VWA5B1: variants seen among roughly 807,000 people sequenced by gnomAD.
VWA5B1 encodes the protein von Willebrand factor A domain-containing protein 5B1.
In VWA5B1, 115 loss-of-function variants were observed where a neutral mutation model predicts 118.2. That is an observed-to-expected ratio of 0.97 (90% CI 0.84 to 1.14). The LOEUF is 1.14. Among genes scored for constraint, VWA5B1 ranks in the 50% most tolerant of loss-of-function variants. The probability of loss-of-function intolerance (pLI) is 0.00; values close to 1 mark genes in which losing one functional copy is unlikely to be tolerated. For synonymous variants in VWA5B1, 682 were observed against 658.4 expected (o/e 1.04, Z -0.55); for missense variants, 1,596 against 1,603.8 (o/e 1.00, Z 0.08).
intron 1 of VWA5B1, among the ~76,000 whole-genome samples, chr1:20,291,846 G>A (rs1364154858): frequency 6.6e-6 from 1 of 152,202 alleles, no homozygotes; most frequent in Admixed American, 6.5e-5. Flanking sequence ...AGCGGGTGCA[G>A]TGTGGCGCCT....
intron 9 of VWA5B1, 87 bp downstream of exon 9, chr1:20,328,087 C>A: frequency 7.6e-7 from 1 of 1,308,744 alleles, no homozygotes; most frequent in Non-Finnish European, 1.1e-6. Context: ...ATAGTTAAAA[C>A]CCTAGTGCTG....
intron 17 of VWA5B1, among the ~76,000 whole-genome samples, chr1:20,347,586 C>T (rs528361086): frequency 2.6e-5 from 4 of 152,026 alleles, no homozygotes; most frequent in East Asian, 1.9e-4. Context: ...ACTACAGGCA[C>T]GCACTACCAC....
chr1:20,314,569 C>A lies in VWA5B1; in HGVS notation c.540C>A (p.Gly180=), dbSNP rs934125274. ...CCCAGTTCTGCACCAAGAGCACTGG[C>A]ACCTCCAACCAACAGGCCCAGGGGT... is the stretch of plus-strand genomic sequence containing the variant. ...TVPQFCTKST[G]TSNQQAQGKD... Residue 180 remains glycine (G), a synonymous_variant, in exon 4 of 22, where the codon GGC becomes GGA. Coordinates refer to ENST00000289815, the MANE Select transcript of VWA5B1 (RefSeq NM_001039500.3). 3.2e-6 allele frequency: 5 copies of A among 1,551,422 alleles called. No individual in the cohort carries two copies. The Admixed American group carries it at 9.8e-5, about 30-fold the overall frequency.
At position 20,354,263 on chromosome 1, in the gene VWA5B1, G is replaced by A; in HGVS notation, c.3648G>A (p.Ter1216=). Residue 1216 remains the stop codon, a stop_retained_variant, in exon 22 of 22, where the codon TAG becomes TAA. Coordinates refer to ENST00000289815, the MANE Select transcript of VWA5B1 (RefSeq NM_001039500.3). ...TCTGCTATAACCCGAATTATGTGTA[G>A]TTGAGTGACGGGGAGGCTGGGTGGA... ...NMLCYNPNYV[*] 1.3e-6 allele frequency: 2 copies of A among 1,522,258 alleles called. No individual in the cohort carries two copies. Among genetic ancestry groups the A allele is most frequent in the East Asian group, 5.0e-5 (2 of 40,156 alleles). The allele number at this position is 1,522,258 out of a possible 1,614,324, so 94.3% of individuals were successfully genotyped here.
chr1:20,327,170 G>A (rs184680170), intron 8 of VWA5B1, among the ~76,000 whole-genome samples: 32 of 152,168 alleles, frequency 2.1e-4, no homozygotes, highest in Admixed American at 1.2e-3. Flanking sequence ...TGGAGGCAAA[G>A]TGACATGGCT....
rs921308378 is a variant in VWA5B1 at position 20,303,538 on chromosome 1, C to A, written c.-26-7038C>A. Among the ~76,000 whole-genome samples, 9 of 152,278 alleles carry A rather than the reference C, an allele frequency of 5.9e-5. No homozygotes were observed. In the East Asian group the frequency reaches 1.5e-3, roughly 26 times the overall value. On this transcript the variant is annotated intron_variant, in intron 1 of 21. Transcript: ENST00000289815. ...CTCAGACCTGGAGGAAGCTAAGGCACAAGGAGGTTAAGTAACTTGCTCAAG... is the reference window on the plus strand; with the variant it reads ...CTCAGACCTGGAGGAAGCTAAGGCAAAAGGAGGTTAAGTAACTTGCTCAAG...
rs1364227228 is a variant in VWA5B1 at position 20,357,975 on chromosome 1, A to G, written c.*3712A>G. Among the ~76,000 whole-genome samples, 1 of 152,082 alleles carries G rather than the reference A, an allele frequency of 6.6e-6. No individual in the cohort carries two copies. The highest frequency in any genetic ancestry group is 1.5e-5 in the Non-Finnish European group (1 of 68,030). ...CCCCGAGGGCCCAACCTCCCACCAC[A>G]TGCAGATGCAGAACCCTGTCTCAGG... On this transcript the variant is annotated 3_prime_UTR_variant, in exon 22 of 22. Coordinates refer to ENST00000289815, the MANE Select transcript of VWA5B1 (RefSeq NM_001039500.3).
At position 20,356,980 on chromosome 1, in the gene VWA5B1, A is replaced by G. The variant is rs1198680287; in HGVS notation, c.*2717A>G. Among the ~76,000 whole-genome samples, 1 of 152,236 alleles carries G rather than the reference A, an allele frequency of 6.6e-6. No individual in the cohort carries two copies. The highest frequency in any genetic ancestry group is 2.4e-5 in the African/African-American group (1 of 41,458). ...TACATTGAAGCTAACAGAGTTCTAAAGTTTCTCAAGCAGGGAACACATTGC... is the reference window on the plus strand; with the variant it reads ...TACATTGAAGCTAACAGAGTTCTAAGGTTTCTCAAGCAGGGAACACATTGC... On this transcript the variant is annotated 3_prime_UTR_variant, in exon 22 of 22. Coordinates refer to ENST00000289815, the MANE Select transcript of VWA5B1 (RefSeq NM_001039500.3).
chr1:20,297,542 G>T (rs1357584786), intron 1 of VWA5B1, among the ~76,000 whole-genome samples: 3 of 152,264 alleles, frequency 2.0e-5, no homozygotes, highest in African/African-American at 7.2e-5. Context: ...ACAATGGCAT[G>T]AAGATCACAT....
intron 7 of VWA5B1, among the ~76,000 whole-genome samples, chr1:20,321,882 G>C (rs1009408254): frequency 1.3e-5 from 2 of 152,188 alleles, no homozygotes; most frequent in African/African-American, 4.8e-5. Flanking sequence ...GCAGGCAGGG[G>C]TCAAGCCACA....
In VWA5B1 at chr1:20,312,827, C is replaced by T. The variant is rs2100844672; in HGVS notation, c.140-9C>T. ...GGGCACCCCGTGATGCTGGGCCCTGCTCCGACAGGCCTCTTCGTGTACCCC... is the reference window on the plus strand; with the variant it reads ...GGGCACCCCGTGATGCTGGGCCCTGTTCCGACAGGCCTCTTCGTGTACCCC... On this transcript the variant is annotated splice_polypyrimidine_tract_variant and intron_variant, in intron 2 of 21. Transcript: ENST00000289815. 6.5e-7 allele frequency: 1 copy of T among 1,546,348 alleles called. No homozygotes were observed. Among genetic ancestry groups the T allele is most frequent in the Non-Finnish European group, 8.7e-7 (1 of 1,143,540 alleles).
intron 1 of VWA5B1, among the ~76,000 whole-genome samples, chr1:20,304,570 C>T (rs764929639): frequency 6.6e-6 from 1 of 151,526 alleles, no homozygotes; most frequent in South Asian, 2.1e-4. Flanking sequence ...TGTGTGTGCA[C>T]GTGCGTGCAT....
At position 20,323,004 on chromosome 1, in the gene VWA5B1, G is replaced by A. The variant is rs553240485; in HGVS notation, c.967-352G>A. On this transcript the variant is annotated intron_variant, in intron 7 of 21. Coordinates refer to ENST00000289815, the MANE Select transcript of VWA5B1 (RefSeq NM_001039500.3). ...ATTACTCAACCAACGGGCTTCTCGCGTCTGTGCTGACTCAGTTCATCCTCA... is the reference window on the plus strand; with the variant it reads ...ATTACTCAACCAACGGGCTTCTCGCATCTGTGCTGACTCAGTTCATCCTCA... The A allele has an allele frequency of 5.1e-4, 89 of 174,998 alleles. No individual in the cohort carries two copies. The South Asian group carries it at 6.7e-3, about 13-fold the overall frequency. 10.8% of individuals were successfully genotyped at this position (174,998 alleles called of 1,614,324 possible). A position where few individuals can be genotyped will look rare whatever the true frequency, so the allele number is the denominator to read the frequency against.
intron 1 of VWA5B1, among the ~76,000 whole-genome samples, chr1:20,302,838 A>G (rs2088535714): frequency 6.6e-6 from 1 of 152,162 alleles, no homozygotes; most frequent in Non-Finnish European, 1.5e-5. Flanking sequence ...CCACAGTGCC[A>G]GAAGAGATAG....
Position 20,342,537 on chromosome 1 carries a change from TG to T in VWA5B1, c.2243del (p.Gly748AlafsTer10). On this transcript the variant is annotated frameshift_variant, in exon 15 of 22. Transcript: ENST00000289815. LOFTEE classifies it high-confidence loss of function. ...CCAAGGCTGCCAGCCCTTCCTGCCC[TG>T]GGGCCAGGAGACCCAGGCCTGGAGC... ...LPQGCQPFLP[W>X]GQETQAWSPV... 1 of 1,546,818 alleles carries T rather than the reference TG, an allele frequency of 6.5e-7. No homozygotes were observed.
chr1:20,330,130 A>G, intron 9 of VWA5B1, 50 bp from the exon 10 acceptor site: 1 of 1,544,254 alleles, frequency 6.5e-7, no homozygotes. Flanking sequence ...TAGGTGGTCT[A>G]GAGTCTCTGT....
intron 7 of VWA5B1, among the ~76,000 whole-genome samples, chr1:20,320,678 C>T (rs1214037417): frequency 6.6e-6 from 1 of 152,228 alleles, no homozygotes; most frequent in Non-Finnish European, 1.5e-5. Context: ...CCCGTATTCT[C>T]ACAAACTCCA....
intron 11 of VWA5B1, among the ~76,000 whole-genome samples, chr1:20,332,261 C>CTTGAGGCCAAGAGT (rs1180269866): frequency 2.2e-4 from 34 of 152,080 alleles, no homozygotes; most frequent in African/African-American, 7.2e-4. Flanking sequence ...AGGTGGATCA[C>CTTGAGGCCAAGAGT]TTGAGGCCAA....
chr1:20,324,962 T>C (rs2089333207), intron 8 of VWA5B1, among the ~76,000 whole-genome samples: 1 of 152,232 alleles, frequency 6.6e-6, no homozygotes, highest in African/African-American at 2.4e-5. Context: ...TCTGTGGCCA[T>C]CTGTATCCCG....
Sources: gnomAD v4.1 joint callset for allele counts (sites outside exome capture counted in the v4.1 genomes callset) on GRCh38, gnomAD v4.1.1 for gene constraint, MANE v1.5 for transcripts, NCBI Gene and HGNC (gene_info 2026-07-23, HGNC 2026-07-21) for gene names.